The following WDFY4 variants were observed in gnomAD, a reference collection of about 807,000 sequenced individuals.
The protein encoded by WDFY4 is WD repeat- and FYVE domain-containing protein 4.
In WDFY4, 169 loss-of-function variants were observed where a neutral mutation model predicts 351.9. The ratio of observed to expected loss-of-function variants is 0.48; its 90% CI spans 0.42 to 0.55. The LOEUF is 0.55. Among genes scored for constraint, WDFY4 ranks in the 20% least tolerant of loss-of-function variants. The pLI is 0.00. For missense variants in WDFY4, 3,803 were observed against 3,935.6 expected (o/e 0.97, Z 0.90); for synonymous variants, 1,622 against 1,574.6 (o/e 1.03, Z -0.71).
At chr10:48,769,890 T>C (rs1411413280) in intron 13 of WDFY4, among the ~76,000 whole-genome samples, 2 of 152,246 alleles carry the variant, frequency 1.3e-5, no homozygotes, top group Admixed American at 1.3e-4. Flanking sequence ...CAAATCACTC[T>C]GTGCTAATTT....
At chr10:48,704,708 G>A (rs1188281992) in intron 1 of WDFY4, among the ~76,000 whole-genome samples, 1 of 152,188 alleles carries the variant, frequency 6.6e-6, no homozygotes, top group Non-Finnish European at 1.5e-5. Context: ...AGCAAAGCCT[G>A]GGCTGTCCAC....
intron 53 of WDFY4, among the ~76,000 whole-genome samples, chr10:48,963,573 G>A (rs924789270): frequency 1.3e-5 from 2 of 152,180 alleles, no homozygotes; most frequent in African/African-American, 4.8e-5. Flanking sequence ...CATAGATACT[G>A]TGGACACCAT....
At chr10:48,869,733 G>T (rs2069690113) in intron 40 of WDFY4, among the ~76,000 whole-genome samples, 4 of 152,092 alleles carry the variant, frequency 2.6e-5, no homozygotes, top group Admixed American at 2.6e-4. Flanking sequence ...TTGCAGAAAT[G>T]ACTTATCCTG....
Position 48,805,273 on chromosome 10 carries a change from A to T in WDFY4, c.4498A>T (p.Asn1500Tyr). ...TGTACTCACCAGGGAAGGACCCAGG[A>T]ATGCTGAAGCTGCCCACCAGGCACA... is the stretch of plus-strand genomic sequence containing the variant. ...ILQSPREGPR[N>Y]AEAAHQAQLI... Residue 1500 changes from asparagine (N) to tyrosine (Y), a missense_variant, in exon 26 of 62, where the codon AAT (asparagine) becomes TAT (tyrosine). Asn to Tyr is a moderately radical substitution (Grantham distance 143). Around this residue, in one of 3 missense-constraint regions of WDFY4, gnomAD observed 3,054 missense variants for 3,148.6 expected, o/e 0.97. Coordinates refer to ENST00000325239, the MANE Select transcript of WDFY4 (RefSeq NM_001394531.1). 6.5e-7 allele frequency: 1 copy of T among 1,544,426 alleles called. No individual in the cohort carries two copies. Among genetic ancestry groups the T allele is most frequent in the Non-Finnish European group, 8.7e-7 (1 of 1,146,934 alleles).
At chr10:48,973,724 G>A (rs982284514) in intron 57 of WDFY4, among the ~76,000 whole-genome samples, 1 of 152,214 alleles carries the variant, frequency 6.6e-6, no homozygotes, top group Non-Finnish European at 1.5e-5. Context: ...AGTTGGCCAG[G>A]GGGTACCAGC....
At position 48,826,869 on chromosome 10, in the gene WDFY4, C is replaced by A; in HGVS notation, c.6181C>A (p.Leu2061Met). ...CTACAATTCCAACATCAGCTTCCTC[C>A]TGTGTCTCATGCATTGCCTTTTGCT... ...ATYNSNISFL[L>M]CLMHCLLLLN... Residue 2061 changes from leucine to methionine, a missense_variant, in exon 36 of 62, where the codon CTG (leucine) becomes ATG (methionine). Around this residue, in one of 3 missense-constraint regions of WDFY4, gnomAD observed 3,054 missense variants for 3,148.6 expected, o/e 0.97. Transcript: ENST00000325239. 6.4e-7 allele frequency: 1 copy of A among 1,551,756 alleles called. No homozygotes were observed. Among genetic ancestry groups the A allele is most frequent in the Non-Finnish European group, 8.7e-7 (1 of 1,147,016 alleles).
At chr10:48,750,527 A>G (rs2132461145) in intron 12 of WDFY4, among the ~76,000 whole-genome samples, 1 of 152,322 alleles carries the variant, frequency 6.6e-6, no homozygotes, top group South Asian at 2.1e-4. Context: ...TCTTCCAAGA[A>G]GCCTCCCCTG....
rs1298475123 is a variant in WDFY4, at chr10:48,741,515, A to T, written c.1879-1453A>T. Among the ~76,000 whole-genome samples, 3 of 151,468 alleles carry T rather than the reference A, an allele frequency of 2.0e-5. No individual in the cohort carries two copies. In the East Asian group the frequency reaches 5.8e-4, roughly 29 times the overall value. ...CAAAGTGCATGACTTCATGTTTGAC[A>T]GTGACCTGTAACTTTACTAAGTTTC... On this transcript the variant is annotated intron_variant, in intron 11 of 61. Transcript: ENST00000325239.
chr10:48,708,223 C>T (rs1589427542), intron 1 of WDFY4, among the ~76,000 whole-genome samples: 1 of 152,040 alleles, frequency 6.6e-6, no homozygotes, highest in African/African-American at 2.4e-5. Context: ...TCTGTGTGCT[C>T]GAAGAGGAGC....
intron 16 of WDFY4, 134 bp downstream of exon 16, chr10:48,777,118 G>T: frequency 8.5e-7 from 1 of 1,170,338 alleles, no homozygotes; most frequent in Non-Finnish European, 1.2e-6. Context: ...TCTGGGTCAT[G>T]GACACCCGCC....
intron 39 of WDFY4, among the ~76,000 whole-genome samples, chr10:48,863,958 A>C (rs546970537): frequency 1.6e-4 from 25 of 152,178 alleles, no homozygotes; most frequent in African/African-American, 5.3e-4. Flanking sequence ...GAACTCACTC[A>C]CTATCACAAG....
At chr10:48,902,837 T>A (rs1253419083) in intron 47 of WDFY4, among the ~76,000 whole-genome samples, 1 of 152,046 alleles carries the variant, frequency 6.6e-6, no homozygotes, top group East Asian at 1.9e-4. Flanking sequence ...TGGCCGGGCG[T>A]GGTGGCTCAC....
chr10:48,925,400 C>T (rs183036521), intron 47 of WDFY4, among the ~76,000 whole-genome samples: 9 of 152,234 alleles, frequency 5.9e-5, no homozygotes, highest in Non-Finnish European at 8.8e-5. Flanking sequence ...CTGGGCAGGC[C>T]GCTGAAATCA....
intron 28 of WDFY4, among the ~76,000 whole-genome samples, chr10:48,809,187 TCATCAC>T (rs911562392): frequency 3.5e-5 from 5 of 141,098 alleles, no homozygotes; most frequent in East Asian, 2.2e-4. Context: ...ACCATCACCA[TCATCAC>T]CATCACCATC....
chr10:48,803,635 C>T (rs556804542), intron 25 of WDFY4, among the ~76,000 whole-genome samples: 1 of 152,300 alleles, frequency 6.6e-6, no homozygotes, highest in South Asian at 2.1e-4. Flanking sequence ...GTCCACTCTC[C>T]CTCTAACTGA....
Position 48,775,387 on chromosome 10 carries a change from C to T in WDFY4, c.2769-325C>T, listed in dbSNP as rs180819660. Among the ~76,000 whole-genome samples, 365 of 152,286 alleles carry T rather than the reference C, an allele frequency of 2.4e-3. 2 individuals carry two copies. Among genetic ancestry groups the T allele is most frequent in the Admixed American group, 3.7e-3 (57 of 15,308 alleles). ...CAGACATGGGACCCAGGGGCGGGCA[C>T]GACAGCTGCCAGAGGAGGCTGCTGG... On this transcript the variant is annotated intron_variant, in intron 14 of 61. Coordinates refer to ENST00000325239, the MANE Select transcript of WDFY4 (RefSeq NM_001394531.1).
At chr10:48,764,819 G>T (rs1193118951) in intron 13 of WDFY4, among the ~76,000 whole-genome samples, 1 of 152,264 alleles carries the variant, frequency 6.6e-6, no homozygotes, top group East Asian at 1.9e-4. Flanking sequence ...TGGGTTTGAG[G>T]ATGGGAGGCA....
At chr10:48,964,368 A>G (rs1023766925) in intron 54 of WDFY4, among the ~76,000 whole-genome samples, 3 of 152,246 alleles carry the variant, frequency 2.0e-5, no homozygotes, top group Admixed American at 2.0e-4. Flanking sequence ...CCAATGACTT[A>G]AGACATATCA....
intron 20 of WDFY4, among the ~76,000 whole-genome samples, chr10:48,787,959 TCTTCTTCTTCTTCTTCTTCTTCTTCTC>T (rs2066532726): frequency 4.3e-5 from 4 of 94,110 alleles, no homozygotes; most frequent in Admixed American, 1.1e-4. Flanking sequence ...TTCTTCTTCT[TCTTCTTCTTCTTCTTCTTCTTCTTCTC>T]CTTCTCCTTC....
Sources: allele counts gnomAD v4.1 joint callset (sites outside exome capture counted in the v4.1 genomes callset), GRCh38; gene constraint gnomAD v4.1.1; regional missense constraint gnomAD v4.1.1; transcripts MANE v1.5; gene names NCBI Gene and HGNC (gene_info 2026-07-23, HGNC 2026-07-21).